OLFM1: variants seen among roughly 807,000 people sequenced by gnomAD.
OLFM1 encodes noelin.
In OLFM1, 9 loss-of-function variants were observed where a neutral mutation model predicts 49.7. The ratio of observed to expected loss-of-function variants is 0.18; its 90% confidence interval spans 0.11 to 0.32. OLFM1 has a LOEUF of 0.32. Among genes scored for constraint, OLFM1 ranks in the 10% least tolerant of loss-of-function variants. The pLI, the probability that OLFM1 is intolerant of heterozygous loss-of-function variation, is 1.00. For missense variants in OLFM1, 369 were observed against 661.8 expected (o/e 0.56, Z 4.85); for synonymous variants, 240 against 271.8 (o/e 0.88, Z 1.15).
chr9:135,118,582 GTGCTTGCTGGGTCTTTGGAAA>G, intron 5 of OLFM1, among the ~76,000 whole-genome samples: 1 of 145,532 alleles, frequency 6.9e-6, no homozygotes, highest in Non-Finnish European at 1.5e-5. Context: ...GGTCTTTGGA[GTGCTTGCTGGGTCTTTGGAAA>G]TGCTCACTGG....
intron 1 of OLFM1, among the ~76,000 whole-genome samples, chr9:135,089,282 ACTT>A (rs919114348): frequency 6.6e-6 from 1 of 152,192 alleles, no homozygotes; most frequent in Non-Finnish European, 1.5e-5. Flanking sequence ...TACCCGCCCA[ACTT>A]CTCCTCCCCA....
At chr9:135,076,442 A>G in intron 1 of OLFM1, 1 of 1,447,130 alleles carries the variant, frequency 6.9e-7, no homozygotes. Context: ...TGGGCATTTC[A>G]AACGGGCTTG....
chr9:135,086,344 C>A (rs750229994), upstream of OLFM1, among the ~76,000 whole-genome samples: 1 of 152,218 alleles, frequency 6.6e-6, no homozygotes, highest in African/African-American at 2.4e-5. Context: ...ATTTAACTAG[C>A]GGGTCTCACA....
At position 135,106,798 on chromosome 9, in the gene OLFM1, C is replaced by T. The variant is rs747392372; in HGVS notation, c.726C>T (p.Ser242=). ...GISDPVTVKT[S]GSRFGSWMTD... is the part of the protein sequence containing the mutation. Reference sequence around the variant, plus strand: ...GTGACCCCGTGACTGTCAAGACCTCCGGCTCGAGGTTCGGATCCTGGATGA... The same window carrying T: ...GTGACCCCGTGACTGTCAAGACCTCTGGCTCGAGGTTCGGATCCTGGATGA... The change falls in exon 5 of 6, where the codon TCC becomes TCT. Residue 242 remains serine, a synonymous_variant. Coordinates refer to ENST00000371793, the MANE Select transcript of OLFM1 (RefSeq NM_001282611.2). The T allele has an allele frequency of 2.4e-5, 39 of 1,613,442 alleles. No homozygotes were observed. Among genetic ancestry groups the T allele is most frequent in the South Asian group, 6.6e-5 (6 of 90,998 alleles).
intron 4 of OLFM1, among the ~76,000 whole-genome samples, chr9:135,099,838 A>T (rs540359324): frequency 6.6e-6 from 1 of 152,326 alleles, no homozygotes; most frequent in South Asian, 2.1e-4. Context: ...GATGGCCTCT[A>T]CCATGGCTTC....
At position 135,118,498 on chromosome 9, in the gene OLFM1, GGAGT is replaced by G. The variant is rs1176183928; in HGVS notation, c.784-1004_784-1001del. Among the ~76,000 whole-genome samples, 76 of 150,866 alleles carry G rather than the reference GGAGT, an allele frequency of 5.0e-4. No individual in the cohort carries two copies. The Middle Eastern group carries it at 0.01, about 21-fold the overall frequency. On this transcript the variant is annotated intron_variant, in intron 5 of 5. Coordinates refer to ENST00000371793, the MANE Select transcript of OLFM1 (RefSeq NM_001282611.2). ...TCTTTGGAGTGCTCACTGGGTCTTT[GGAGT>G]GCTCGCTGGGTCTTTGGAATGCTCG...
At chr9:135,108,619 C>T (rs1446446795) in intron 5 of OLFM1, among the ~76,000 whole-genome samples, 6 of 150,478 alleles carry the variant, frequency 4.0e-5, no homozygotes, top group Admixed American at 1.3e-4. Flanking sequence ...GGTGATAGAG[C>T]GAGGCTCTGT....
At chr9:135,078,476 G>C (rs1002887802) in intron 1 of OLFM1, among the ~76,000 whole-genome samples, 9 of 152,198 alleles carry the variant, frequency 5.9e-5, no homozygotes, top group Non-Finnish European at 2.9e-5. Context: ...CTTACGATGA[G>C]ACACTCAATC....
chr9:135,083,536 G>A (rs1480493769), upstream of OLFM1, among the ~76,000 whole-genome samples: 1 of 152,192 alleles, frequency 6.6e-6, no homozygotes, highest in Non-Finnish European at 1.5e-5. Flanking sequence ...TCTCCCCAGG[G>A]CAAGTAGCTC....
At chr9:135,089,191 G>A (rs1830645822) in intron 1 of OLFM1, among the ~76,000 whole-genome samples, 1 of 152,228 alleles carries the variant, frequency 6.6e-6, no homozygotes, top group South Asian at 2.1e-4. Flanking sequence ...ATTCCTCCAT[G>A]ATGACTTTGT....
chr9:135,116,374 C>T (rs1028301579), intron 5 of OLFM1, among the ~76,000 whole-genome samples: 1 of 152,132 alleles, frequency 6.6e-6, no homozygotes, highest in African/African-American at 2.4e-5. Flanking sequence ...CTCCCTCCCA[C>T]CCCCAATTAC....
chr9:135,084,968 C>T (rs1005725113), upstream of OLFM1, among the ~76,000 whole-genome samples: 1 of 152,182 alleles, frequency 6.6e-6, no homozygotes, highest in Admixed American at 6.5e-5. The surrounding 1 kb of genome is among the most constrained non-coding windows in gnomAD (Gnocchi z 4.6). Context: ...CACGTGTGTC[C>T]GCCTCTTGTA....
intron 2 of OLFM1, 23 bp from the exon 3 acceptor site, chr9:135,095,841 T>C (rs766097698): frequency 1.8e-5 from 29 of 1,610,972 alleles, no homozygotes; most frequent in Non-Finnish European, 2.4e-5. Flanking sequence ...GCTGTTTTGC[T>C]GAACCTGTTG....
At chr9:135,090,376 G>T in intron 2 of OLFM1, 32 bp downstream of exon 2, 1 of 1,511,472 alleles carries the variant, frequency 6.6e-7, no homozygotes, top group Non-Finnish European at 8.9e-7. Flanking sequence ...GAGTTTGTAT[G>T]TGTGTGTGTT....
In OLFM1 at chr9:135,088,896, C is replaced by A. The variant is rs1367010742; in HGVS notation, c.150+757C>A. On this transcript the variant is annotated intron_variant, in intron 1 of 5. Transcript: ENST00000371793. This position sits in a 1 kb window ranked among gnomAD's most constrained non-coding sequence, Gnocchi z 4.8. ...CTCTCGAGCCTAGCGGGAGGGGAAC[C>A]GTGGCCGGGGCTGCTTCTGGGCAGA... is the stretch of plus-strand genomic sequence containing the variant. Among the ~76,000 whole-genome samples the A allele has an allele frequency of 6.6e-6, 1 of 152,144 alleles. No individual in the cohort carries two copies. The highest frequency in any genetic ancestry group is 1.9e-4 in the East Asian group (1 of 5,174).
intron 4 of OLFM1, among the ~76,000 whole-genome samples, chr9:135,103,356 G>A (rs1256470146): frequency 6.6e-6 from 1 of 152,198 alleles, no homozygotes; most frequent in Non-Finnish European, 1.5e-5. Flanking sequence ...TCTGGATGGA[G>A]AACCAAAAAT....
chr9:135,107,029 A>G (rs982761858), intron 5 of OLFM1, among the ~76,000 whole-genome samples, 174 bp downstream of exon 5: 3 of 152,186 alleles, frequency 2.0e-5, no homozygotes, highest in Admixed American at 6.5e-5. Context: ...CCAGGCCTCT[A>G]TGCTAATCCA....
At chr9:135,118,612 G>A (rs1350248265) in intron 5 of OLFM1, among the ~76,000 whole-genome samples, 5 of 151,402 alleles carry the variant, frequency 3.3e-5, no homozygotes, top group Admixed American at 6.6e-5. Context: ...AATGCTCACT[G>A]GGTCTTTGGA....
At position 135,098,726 on chromosome 9, in the gene OLFM1, A is replaced by G. The variant is rs1830832178; in HGVS notation, c.676+221A>G. Among the ~76,000 whole-genome samples the G allele has an allele frequency of 6.6e-6, 1 of 152,098 alleles. No homozygotes were observed. Among genetic ancestry groups the G allele is most frequent in the Admixed American group, 6.5e-5 (1 of 15,280 alleles). On this transcript the variant is annotated intron_variant, in intron 4 of 5. Coordinates refer to ENST00000371793, the MANE Select transcript of OLFM1 (RefSeq NM_001282611.2). This position sits in a 1 kb window ranked among gnomAD's most constrained non-coding sequence, Gnocchi z 5.6. Reference sequence around the variant, plus strand: ...CAGAGCCGGGTCTTGTGCAGAGGCCACAGACCCCGCTGAGTCGCACATCTG... The same window carrying G: ...CAGAGCCGGGTCTTGTGCAGAGGCCGCAGACCCCGCTGAGTCGCACATCTG...
Sources: gnomAD v4.1 joint callset for allele counts (sites outside exome capture counted in the v4.1 genomes callset) on GRCh38, gnomAD v4.1.1 for gene constraint, Gnocchi (gnomAD v3.1) non-coding constraint, MANE v1.5 for transcripts, NCBI Gene and HGNC (gene_info 2026-07-23, HGNC 2026-07-21) for gene names.